KDM4C: variants seen among roughly 807,000 people sequenced by gnomAD.
KDM4C encodes lysine demethylase 4C, also known as lysine-specific demethylase 4C.
In KDM4C, 81 loss-of-function variants were observed where a neutral mutation model predicts 129.3. The ratio of observed to expected loss-of-function variants is 0.63; its 90% CI spans 0.52 to 0.75. The LOEUF (loss-of-function observed/expected upper bound fraction) is 0.75. KDM4C is among the 30% of genes least tolerant of loss of function. KDM4C has a pLI of 0.00. For synonymous variants in KDM4C, 573 were observed against 456.1 expected, an observed-to-expected ratio of 1.26 and a Z score of -3.26; for missense variants, 1,457 against 1,304.0, an observed-to-expected ratio of 1.12 and a Z score of -1.81.
chr9:6,824,633 C>T (rs74967847), intron 4 of KDM4C, among the ~76,000 whole-genome samples: 1,436 of 120,324 alleles, frequency 0.012, 20 homozygotes, highest in African/African-American at 0.05. Flanking sequence ...CGCAAGACTC[C>T]GTCTCAAAAA....
chr9:6,797,038 G>A (rs922213309), intron 2 of KDM4C, among the ~76,000 whole-genome samples: 3 of 151,578 alleles, frequency 2.0e-5, no homozygotes, highest in Non-Finnish European at 4.4e-5. Flanking sequence ...AGGCTGGGTG[G>A]TGTGATCGTG....
At chr9:6,925,598 C>G (rs1361997566) in intron 8 of KDM4C, 7 of 985,290 alleles carry the variant, frequency 7.1e-6, no homozygotes, top group Non-Finnish European at 8.4e-6. Context: ...TGGGCAGACC[C>G]TCAGTTCTAA....
intron 8 of KDM4C, among the ~76,000 whole-genome samples, chr9:6,939,348 G>C (rs1198802316): frequency 6.6e-6 from 1 of 152,032 alleles, no homozygotes; most frequent in Non-Finnish European, 1.5e-5. Context: ...CCATCCCCCC[G>C]TGAGGGCATG....
intron 3 of KDM4C, among the ~76,000 whole-genome samples, chr9:6,806,905 TCCC>T (rs1830086964): frequency 6.6e-6 from 1 of 150,806 alleles, no homozygotes; most frequent in East Asian, 1.9e-4. Context: ...CCTCTCCCTC[TCCC>T]TCTCCCTCTC....
intron 8 of KDM4C, among the ~76,000 whole-genome samples, chr9:6,919,629 G>A (rs959503479): frequency 6.6e-6 from 1 of 151,522 alleles, no homozygotes; most frequent in African/African-American, 2.4e-5. Flanking sequence ...AGGCTGGAGT[G>A]CAATGGCGCG....
chr9:6,722,932 G>A (rs1037375683), intron 1 of KDM4C, among the ~76,000 whole-genome samples: 3 of 151,798 alleles, frequency 2.0e-5, no homozygotes, highest in Non-Finnish European at 1.5e-5. Context: ...GCAGTGAGTC[G>A]AAATCGCACG....
intron 15 of KDM4C, among the ~76,000 whole-genome samples, chr9:7,018,499 A>G (rs1824089934): frequency 1.3e-5 from 2 of 152,144 alleles, no homozygotes; most frequent in South Asian, 4.2e-4. Context: ...CTAGTATATG[A>G]GCCAACATAA....
intron 5 of KDM4C, among the ~76,000 whole-genome samples, chr9:6,864,836 CT>C (rs1791635117): frequency 6.6e-6 from 1 of 150,684 alleles, no homozygotes; most frequent in Non-Finnish European, 1.5e-5. Flanking sequence ...TTTTTTTCTC[CT>C]GTGTCTATGT....
At chr9:6,745,688 G>C (rs1223650134) in intron 1 of KDM4C, among the ~76,000 whole-genome samples, 1 of 151,998 alleles carries the variant, frequency 6.6e-6, no homozygotes, top group East Asian at 1.9e-4. Flanking sequence ...GCCCTGGCTG[G>C]GGTGCAGTGG....
chr9:6,721,376 C>T (rs1288816249), intron 1 of KDM4C, among the ~76,000 whole-genome samples: 1 of 148,198 alleles, frequency 6.7e-6, no homozygotes, highest in Non-Finnish European at 1.5e-5. Flanking sequence ...CTTCACCTCT[C>T]AGGTTCAAGC....
intron 15 of KDM4C, among the ~76,000 whole-genome samples, chr9:7,017,167 G>C (rs985434905): frequency 6.6e-6 from 1 of 152,154 alleles, no homozygotes; most frequent in African/African-American, 2.4e-5. Context: ...AAACTCCTGA[G>C]CTCAAGTGAT....
rs1250825581 is a variant in KDM4C, at chr9:7,165,362, G to C, written c.2901+5G>C. 6.2e-7 allele frequency: 1 copy of C among 1,613,606 alleles called. No homozygotes were observed. Among genetic ancestry groups the C allele is most frequent in the Middle Eastern group, 1.7e-4 (1 of 6,054 alleles). ...AATATTGCCCACATGTACCAGGTGG[G>C]TTCTTCCTTCTCTGTGATGCTTGCT... On this transcript the variant is annotated splice_donor_5th_base_variant and intron_variant, in intron 20 of 21. Transcript: ENST00000381309.
intron 7 of KDM4C, among the ~76,000 whole-genome samples, chr9:6,891,858 A>AT (rs1349019010): frequency 6.6e-6 from 1 of 152,132 alleles, no homozygotes; most frequent in Non-Finnish European, 1.5e-5. Flanking sequence ...GATTTTTATC[A>AT]TAAAAAAAGA....
intron 17 of KDM4C, among the ~76,000 whole-genome samples, chr9:7,072,961 A>T (rs1354129741): frequency 6.6e-6 from 1 of 152,198 alleles, no homozygotes; most frequent in East Asian, 1.9e-4. Flanking sequence ...ATGATAGCTC[A>T]GTGATGTAGG....
chr9:6,722,517 A>T (rs6477106), intron 1 of KDM4C, among the ~76,000 whole-genome samples: 37,447 of 134,546 alleles, frequency 0.28, 5,418 homozygotes, highest in African/African-American at 0.41. Flanking sequence ...ATGTCTATAT[A>T]TTTTTTTTTT....
chr9:7,057,672 A>G (rs1265377083), intron 17 of KDM4C, among the ~76,000 whole-genome samples: 1 of 152,174 alleles, frequency 6.6e-6, no homozygotes, highest in Non-Finnish European at 1.5e-5. Flanking sequence ...ACATAACTGT[A>G]TTTTAAACAG....
intron 8 of KDM4C, among the ~76,000 whole-genome samples, chr9:6,905,155 A>G (rs1818095570): frequency 6.6e-6 from 1 of 152,224 alleles, no homozygotes; most frequent in Non-Finnish European, 1.5e-5. Flanking sequence ...ATTAAATGCA[A>G]GCTTTTCTAT....
intron 17 of KDM4C, among the ~76,000 whole-genome samples, chr9:7,050,228 A>C (rs1378515877): frequency 6.6e-6 from 1 of 151,730 alleles, no homozygotes; most frequent in Non-Finnish European, 1.5e-5. Context: ...TGGGCCTTTC[A>C]TGGAACTGAT....
chr9:6,739,737 T>C (rs1159314140), intron 1 of KDM4C, among the ~76,000 whole-genome samples: 2 of 151,340 alleles, frequency 1.3e-5, no homozygotes, highest in Non-Finnish European at 2.9e-5. Flanking sequence ...TGGCTCACAA[T>C]TGTAATCCCA....
Sources: gnomAD v4.1 joint callset for allele counts (sites outside exome capture counted in the v4.1 genomes callset) on GRCh38, gnomAD v4.1.1 for gene constraint, MANE v1.5 for transcripts, NCBI Gene and HGNC (gene_info 2026-07-23, HGNC 2026-07-21) for gene names.